PRIM2: variants seen among roughly 807,000 people sequenced by gnomAD.
The protein encoded by PRIM2 is DNA primase large subunit.
A neutral mutation model predicts 67.3 loss-of-function variants in PRIM2; 39 were observed. That is an observed-to-expected ratio of 0.58 (90% confidence interval 0.45 to 0.76). The LOEUF (loss-of-function observed/expected upper bound fraction) is 0.76, where lower values mean the gene tolerates loss of function less well. Among genes scored for constraint, PRIM2 ranks in the 30% least tolerant of loss-of-function variants. PRIM2 has a pLI of 0.00. For synonymous variants in PRIM2, 143 were observed against 198.7 expected, an observed-to-expected ratio of 0.72 and a Z score of 2.36; for missense variants, 398 against 598.7, an observed-to-expected ratio of 0.66 and a Z score of 3.50.
intron 12 of PRIM2, among the ~76,000 whole-genome samples, chr6:57,624,050 T>C (rs1390980234): frequency 6.6e-6 from 1 of 152,204 alleles, no homozygotes; most frequent in Non-Finnish European, 1.5e-5. Context: ...TAAATATCTT[T>C]CATTATTTTC....
intron 13 of PRIM2, among the ~76,000 whole-genome samples, chr6:57,639,620 A>G (rs1179518543): frequency 3.2e-4 from 25 of 78,562 alleles, no homozygotes; most frequent in South Asian, 1.1e-3. Context: ...AATACTGTAA[A>G]CTAGAAAGTT....
chr6:57,639,112 C>T (rs1777179324), intron 13 of PRIM2, among the ~76,000 whole-genome samples: 1 of 152,170 alleles, frequency 6.6e-6, no homozygotes, highest in Non-Finnish European at 1.5e-5. Flanking sequence ...CTCAAAACTG[C>T]ACAACTACAT....
chr6:57,435,636 T>C (rs983823903), intron 7 of PRIM2, among the ~76,000 whole-genome samples: 5 of 152,252 alleles, frequency 3.3e-5, no homozygotes, highest in African/African-American at 1.2e-4. Flanking sequence ...TGCTAGTACC[T>C]GATGAGCTGG....
At position 57,338,640 on chromosome 6, in the gene PRIM2, G is replaced by A. The variant is rs552758846; in HGVS notation, c.459+12595G>A. On this transcript the variant is annotated intron_variant, in intron 5 of 13. Transcript: ENST00000615550. ...CTCAATAGATGCAGAAAAGGCCTTT[G>A]ACAAAATTCAACAACGCTTCATGCT... Among the ~76,000 whole-genome samples, 29 of 149,570 alleles carry A rather than the reference G, an allele frequency of 1.9e-4. No homozygotes were observed. The South Asian group carries it at 5.7e-3, about 29-fold the overall frequency.
intron 10 of PRIM2, among the ~76,000 whole-genome samples, chr6:57,538,018 T>G (rs1775035362): frequency 6.6e-6 from 1 of 151,328 alleles, no homozygotes; most frequent in African/African-American, 2.4e-5. Context: ...AAACTTTTGT[T>G]TTTTTTTTTC....
chr6:57,540,281 A>T (rs1775119512), intron 10 of PRIM2, among the ~76,000 whole-genome samples: 4 of 152,032 alleles, frequency 2.6e-5, no homozygotes. Flanking sequence ...ACACACTCAC[A>T]CACACACACA....
At chr6:57,638,898 CAAGTGGACCT>C (rs1777175157) in intron 13 of PRIM2, among the ~76,000 whole-genome samples, 1 of 152,094 alleles carries the variant, frequency 6.6e-6, no homozygotes, top group Admixed American at 6.5e-5. Context: ...AGCTCTGGAC[CAAGTGGACCT>C]AATAGACATC....
Position 57,573,374 on chromosome 6 carries a change from A to G in PRIM2, c.1021-27719A>G, listed in dbSNP as rs1309857995. On this transcript the variant is annotated intron_variant, in intron 10 of 13. Coordinates refer to ENST00000615550, the MANE Select transcript of PRIM2 (RefSeq NM_000947.5). ...GAGTTGTGATCCTAGAAGTTGTCCT[A>G]TCAGAACACCATGCTCAGATTTGCA... is the stretch of plus-strand genomic sequence containing the variant. Among the ~76,000 whole-genome samples, 4 of 152,326 alleles carry G rather than the reference A, an allele frequency of 2.6e-5. No individual in the cohort carries two copies. In the East Asian group the frequency reaches 7.7e-4, roughly 29 times the overall value.
intron 9 of PRIM2, 42 bp from the exon 10 acceptor site, chr6:57,537,397 AG>A: frequency 9.9e-7 from 1 of 1,005,182 alleles, no homozygotes; most frequent in South Asian, 2.3e-5. Flanking sequence ...GGACCTGATA[AG>A]TCTTCCACTT....
At chr6:57,539,634 G>A (rs1380861233) in intron 10 of PRIM2, among the ~76,000 whole-genome samples, 2 of 67,884 alleles carry the variant, frequency 2.9e-5, no homozygotes, top group Admixed American at 3.0e-4. Context: ...GTGTGTGTGT[G>A]TGTGTGTGTG....
At chr6:57,472,064 T>G (rs1188089712) in intron 7 of PRIM2, among the ~76,000 whole-genome samples, 1 of 152,148 alleles carries the variant, frequency 6.6e-6, no homozygotes, top group Non-Finnish European at 1.5e-5. Flanking sequence ...CTTGGAGTTA[T>G]TCAGAAGTCA....
At chr6:57,416,027 C>G (rs1339591961) in intron 7 of PRIM2, among the ~76,000 whole-genome samples, 1 of 152,196 alleles carries the variant, frequency 6.6e-6, no homozygotes, top group Non-Finnish European at 1.5e-5. Flanking sequence ...CCGTGAATCA[C>G]AAATGTTCTT....
intron 13 of PRIM2, among the ~76,000 whole-genome samples, chr6:57,643,253 T>A (rs1406716961): frequency 1.3e-5 from 2 of 152,360 alleles, no homozygotes; most frequent in East Asian, 1.9e-4. Context: ...TATTTTTGCA[T>A]GAAATAGTAC....
intron 10 of PRIM2, among the ~76,000 whole-genome samples, chr6:57,561,484 C>T (rs1414839224): frequency 1.3e-5 from 2 of 152,228 alleles, no homozygotes; most frequent in Admixed American, 6.5e-5. Flanking sequence ...CCGTCCTCCT[C>T]GGCCTCCCAA....
At position 57,318,554 on chromosome 6, in the gene PRIM2, A is replaced by G. The variant is rs183241138; in HGVS notation, c.109A>G (p.Ile37Val). The change falls in exon 2 of 14, where the codon ATA (isoleucine) becomes GTA (valine). Residue 37 changes from isoleucine to valine, a missense_variant. By Grantham distance (29) the Ile-to-Val change is conservative. Coordinates refer to ENST00000615550, the MANE Select transcript of PRIM2 (RefSeq NM_000947.5). ...QFYLQPPSEN[I>V]SLIEFENLAI... ...TTACTTGCAGCCACCTTCTGAAAACATATCTTTAATAGAATTTGAAAACTT... is the reference window on the plus strand; with the variant it reads ...TTACTTGCAGCCACCTTCTGAAAACGTATCTTTAATAGAATTTGAAAACTT... The G allele has an allele frequency of 1.3e-6, 2 of 1,585,884 alleles. No individual in the cohort carries two copies. The highest frequency in any genetic ancestry group is 1.1e-5 in the South Asian group (1 of 87,220).
chr6:57,480,622 C>G (rs1345864706), intron 7 of PRIM2, among the ~76,000 whole-genome samples: 4 of 152,074 alleles, frequency 2.6e-5, no homozygotes, highest in Non-Finnish European at 5.9e-5. Context: ...CTCCATTTCT[C>G]TGATTTTCTT....
At chr6:57,247,794 T>C in the PRIM2 span, among the ~76,000 whole-genome samples, 4 of 152,320 alleles carry the variant, frequency 2.6e-5, no homozygotes, top group South Asian at 8.3e-4. Flanking sequence ...CTCAAAGGAT[T>C]TCCCCTAGAA....
At chr6:57,262,870 CT>C in the PRIM2 span, among the ~76,000 whole-genome samples, 5 of 152,120 alleles carry the variant, frequency 3.3e-5, no homozygotes, top group Admixed American at 3.3e-4. Flanking sequence ...CCCTTTTCCC[CT>C]CTCCCCTCCA....
intron 5 of PRIM2, among the ~76,000 whole-genome samples, chr6:57,377,150 A>G (rs1769795509): frequency 6.6e-6 from 1 of 151,988 alleles, no homozygotes; most frequent in Admixed American, 6.6e-5. Context: ...AGCCTCCTGA[A>G]GTGCTGGGAT....
Sources: allele counts gnomAD v4.1 joint callset (sites outside exome capture counted in the v4.1 genomes callset), GRCh38; gene constraint gnomAD v4.1.1; transcripts MANE v1.5; gene names NCBI Gene and HGNC (gene_info 2026-07-23, HGNC 2026-07-21).